The following RIT2 variants were observed in gnomAD, a reference collection of about 807,000 sequenced individuals.
RIT2 encodes the protein Ras like without CAAX 2.
In RIT2, 24 loss-of-function variants were observed where a neutral mutation model predicts 23.7. The ratio of observed to expected loss-of-function variants is 1.01; its 90% CI spans 0.73 to 1.43. The LOEUF is 1.43. Ranked by LOEUF, RIT2 falls within the 40% of genes most tolerant of loss-of-function variation. The pLI is 0.00. For synonymous variants in RIT2, 107 were observed against 91.1 expected (o/e 1.17, Z -0.99); for missense variants, 236 against 266.9 (o/e 0.88, Z 0.81).
chr18:42,814,443 G>T (rs1416011041), intron 4 of RIT2, among the ~76,000 whole-genome samples: 6 of 152,050 alleles, frequency 3.9e-5, no homozygotes, highest in Non-Finnish European at 5.9e-5. Context: ...TGTGACTGCC[G>T]GCTTTCCCCC....
intron 4 of RIT2, among the ~76,000 whole-genome samples, chr18:42,862,635 T>A (rs778265464): frequency 1.3e-5 from 2 of 152,192 alleles, no homozygotes; most frequent in African/African-American, 4.8e-5. Flanking sequence ...TGTGAGTCCA[T>A]TAAAACTTGA....
chr18:42,844,966 A>C (rs1161707922), intron 4 of RIT2, among the ~76,000 whole-genome samples: 1 of 152,218 alleles, frequency 6.6e-6, no homozygotes, highest in Non-Finnish European at 1.5e-5. Flanking sequence ...GGTAATATTT[A>C]AGTTTTGGGG....
At chr18:43,050,611 C>G (rs958588629) in intron 1 of RIT2, among the ~76,000 whole-genome samples, 1 of 152,030 alleles carries the variant, frequency 6.6e-6, no homozygotes, top group East Asian at 1.9e-4. Context: ...AGGGGCAGGC[C>G]TCAGGAAACG....
Position 42,877,405 on chromosome 18 carries a change from G to A in RIT2, c.426+46167C>T, listed in dbSNP as rs183759911. Among the ~76,000 whole-genome samples the A allele has an allele frequency of 4.4e-3, 663 of 150,596 alleles. 6 individuals are homozygous for A. The highest frequency in any genetic ancestry group is 0.016 in the African/African-American group (643 of 41,072). On this transcript the variant is annotated intron_variant, in intron 4 of 4. Coordinates refer to ENST00000326695, the MANE Select transcript of RIT2 (RefSeq NM_002930.4). ...TGTTTTGCTAATTGCTATTGTTATC[G>A]TCCCATCAATATTTTTTAAGTTCCT...
intron 4 of RIT2, among the ~76,000 whole-genome samples, chr18:42,780,047 G>GGTT (rs1913770815): frequency 3.4e-5 from 2 of 59,568 alleles, no homozygotes; most frequent in African/African-American, 5.9e-5. Flanking sequence ...CAATTTAGAG[G>GGTT]TTTTTTTTTT....
intron 4 of RIT2, among the ~76,000 whole-genome samples, chr18:42,822,197 C>T (rs376417405): frequency 5.9e-5 from 9 of 152,272 alleles, no homozygotes; most frequent in South Asian, 2.1e-4. Flanking sequence ...GTGTTTGAAA[C>T]TGTTTTATTT....
At chr18:42,890,665 T>C (rs933505254) in intron 4 of RIT2, among the ~76,000 whole-genome samples, 1 of 152,116 alleles carries the variant, frequency 6.6e-6, no homozygotes, top group African/African-American at 2.4e-5. Flanking sequence ...AATTATCTTC[T>C]TGTTAAACGT....
At chr18:42,863,224 A>C (rs933230780) in intron 4 of RIT2, among the ~76,000 whole-genome samples, 23 of 152,254 alleles carry the variant, frequency 1.5e-4, no homozygotes, top group African/African-American at 5.3e-4. Flanking sequence ...ATCCTTACTG[A>C]AAACTTTTAG....
At position 43,058,723 on chromosome 18, in the gene RIT2, C is replaced by T. The variant is rs186117440; in HGVS notation, c.104-24856G>A. Among the ~76,000 whole-genome samples, 69 of 151,702 alleles carry T rather than the reference C, an allele frequency of 4.5e-4. No individual in the cohort carries two copies. The East Asian group carries it at 0.013, about 29-fold the overall frequency. Reference sequence around the variant, plus strand: ...GCAACATGGCAAAACCCTGTCTCTACAAAAAAAATGCAAAAATTACCCAGG... The same window carrying T: ...GCAACATGGCAAAACCCTGTCTCTATAAAAAAAATGCAAAAATTACCCAGG... On this transcript the variant is annotated intron_variant, in intron 1 of 4. Coordinates refer to ENST00000326695, the MANE Select transcript of RIT2 (RefSeq NM_002930.4).
chr18:43,059,519 G>T (rs1912592772), intron 1 of RIT2, among the ~76,000 whole-genome samples: 1 of 152,082 alleles, frequency 6.6e-6, no homozygotes, highest in Non-Finnish European at 1.5e-5. Flanking sequence ...TTAGAAACAG[G>T]ACAGCAAACA....
At chr18:43,063,716 A>G (rs1208987011) in intron 1 of RIT2, among the ~76,000 whole-genome samples, 1 of 152,198 alleles carries the variant, frequency 6.6e-6, no homozygotes. Context: ...TAGAAGATTC[A>G]CAAAAATGAG....
chr18:42,930,938 A>T (rs1024542816), intron 3 of RIT2, among the ~76,000 whole-genome samples: 3 of 152,090 alleles, frequency 2.0e-5, no homozygotes, highest in East Asian at 3.9e-4. Flanking sequence ...ATCTATTTTA[A>T]AGGAGATTTT....
At chr18:43,024,006 G>A (rs1012672763) in intron 2 of RIT2, among the ~76,000 whole-genome samples, 1 of 152,076 alleles carries the variant, frequency 6.6e-6, no homozygotes, top group Non-Finnish European at 1.5e-5. Context: ...CAGAAACAAA[G>A]AGGATAGTAA....
intron 4 of RIT2, among the ~76,000 whole-genome samples, chr18:42,885,085 T>C (rs1907986465): frequency 6.6e-6 from 1 of 152,170 alleles, no homozygotes; most frequent in African/African-American, 2.4e-5. Flanking sequence ...CTGTTGTGAA[T>C]TCATCTTAAA....
intron 1 of RIT2, among the ~76,000 whole-genome samples, chr18:43,108,007 C>CAAAAAAAAAAAA (rs5824469): frequency 7.3e-6 from 1 of 136,280 alleles, no homozygotes. Flanking sequence ...ACTAAAAATA[C>CAAAAAAAAAAAA]AAAAAAAAAA....
chr18:42,758,567 A>G (rs1400616571), intron 4 of RIT2, among the ~76,000 whole-genome samples: 1 of 151,550 alleles, frequency 6.6e-6, no homozygotes, highest in East Asian at 1.9e-4. Flanking sequence ...AGGCTGGAGT[A>G]AAATGGTGCA....
intron 4 of RIT2, among the ~76,000 whole-genome samples, chr18:42,822,389 C>A (rs1383239661): frequency 6.6e-6 from 1 of 152,042 alleles, no homozygotes; most frequent in Non-Finnish European, 1.5e-5. Context: ...ATTTCACTCA[C>A]GTTGAAGAAA....
intron 1 of RIT2, among the ~76,000 whole-genome samples, chr18:43,110,718 T>C (rs1913933105): frequency 6.6e-6 from 1 of 152,174 alleles, no homozygotes. Flanking sequence ...GTTTTAGTTG[T>C]AATCACAGTT....
intron 4 of RIT2, among the ~76,000 whole-genome samples, chr18:42,786,054 A>C (rs1221221613): frequency 6.6e-6 from 1 of 152,230 alleles, no homozygotes. Flanking sequence ...AATTCACAGC[A>C]GATGAAAAGG....
Sources: gnomAD v4.1 joint callset for allele counts (sites outside exome capture counted in the v4.1 genomes callset) on GRCh38, gnomAD v4.1.1 for gene constraint, MANE v1.5 for transcripts, NCBI Gene and HGNC (gene_info 2026-07-23, HGNC 2026-07-21) for gene names.